PDE11A: variants seen among roughly 807,000 people sequenced by gnomAD.
The protein encoded by PDE11A is dual 3',5'-cyclic-AMP and -GMP phosphodiesterase 11A.
Under a neutral mutation model 100.5 loss-of-function variants are expected in PDE11A, and 100 were observed. That is an observed-to-expected ratio of 1.00 (90% CI 0.85 to 1.18). PDE11A has a LOEUF of 1.18. PDE11A is among the 50% of genes most tolerant of loss of function. PDE11A has a pLI of 0.00. For missense variants in PDE11A, 1,141 were observed against 1,152.6 expected (o/e 0.99, Z 0.15); for synonymous variants, 381 against 420.8 (o/e 0.91, Z 1.16).
intron 10 of PDE11A, among the ~76,000 whole-genome samples, chr2:177,755,194 T>C (rs2082075452): frequency 6.6e-6 from 1 of 152,208 alleles, no homozygotes; most frequent in Non-Finnish European, 1.5e-5. Context: ...CCTTATAATA[T>C]TTGGGTAAGT....
chr2:178,069,388 C>T (rs1047572774), intron 1 of PDE11A, among the ~76,000 whole-genome samples: 1 of 152,034 alleles, frequency 6.6e-6, no homozygotes, highest in Non-Finnish European at 1.5e-5. Context: ...AAGAAAACTA[C>T]ACCAAGTTAA....
Position 177,881,316 on chromosome 2 carries a change from A to G in PDE11A, c.1303-5393T>C, listed in dbSNP as rs114417372. Among the ~76,000 whole-genome samples, 1,083 of 151,232 alleles carry G rather than the reference A, an allele frequency of 7.2e-3. 13 individuals carry two copies. The highest frequency in any genetic ancestry group is 0.024 in the African/African-American group (1,007 of 41,146). ...GCCAATTCCTAGAATAAATATCTTT[A>G]TCTCTATCTATCTATCATCTATCTG... On this transcript the variant is annotated intron_variant, in intron 4 of 19. Transcript: ENST00000286063.
chr2:178,056,683 ACACT>A (rs1348487139), intron 1 of PDE11A, among the ~76,000 whole-genome samples: 1 of 152,248 alleles, frequency 6.6e-6, no homozygotes, highest in Non-Finnish European at 1.5e-5. Context: ...AAAGAAGGAT[ACACT>A]CACAGGCCAC....
chr2:177,971,589 C>A (rs2085770765), intron 2 of PDE11A, among the ~76,000 whole-genome samples: 10 of 152,092 alleles, frequency 6.6e-5, no homozygotes, highest in Admixed American at 6.5e-4. Context: ...AGTTGAAGAA[C>A]ACCAAATAGG....
intron 19 of PDE11A, among the ~76,000 whole-genome samples, chr2:177,643,648 T>C (rs2080178682): frequency 6.6e-6 from 1 of 152,178 alleles, no homozygotes; most frequent in African/African-American, 2.4e-5. Context: ...GAAACTTGCA[T>C]AAGTAATGAG....
chr2:177,898,064 T>G lies in PDE11A; in HGVS notation c.1296A>C (p.Glu432Asp). Residue 432 changes from glutamate (E) to aspartate (D), a missense_variant, in exon 4 of 20, where the codon GAA (glutamate) becomes GAC (aspartate). Coordinates refer to ENST00000286063, the MANE Select transcript of PDE11A (RefSeq NM_016953.4). ...AAGATAAAAGATAACTTACTGGTGA[T>G]TCGATGTCCTCTAGGAGTAAAACAG... ...RCSVLLLEDI[E>D]SPVVKFTKSF... The G allele has an allele frequency of 4.3e-6, 7 of 1,611,136 alleles. No individual in the cohort carries two copies. The highest frequency in any genetic ancestry group is 5.1e-6 in the Non-Finnish European group (6 of 1,177,290).
At chr2:177,644,834 A>G (rs2080199007) in intron 19 of PDE11A, among the ~76,000 whole-genome samples, 1 of 152,170 alleles carries the variant, frequency 6.6e-6, no homozygotes, top group Admixed American at 6.5e-5. Context: ...TGTTCTCATA[A>G]TATTGAATAA....
At chr2:177,820,383 C>A (rs1039446800) in intron 6 of PDE11A, 88 bp from the exon 7 acceptor site, 2 of 803,810 alleles carry the variant, frequency 2.5e-6, no homozygotes, top group Non-Finnish European at 2.1e-6. Flanking sequence ...AACAGATATT[C>A]AAAAATAACT....
At chr2:177,717,306 C>T (rs966589224) in intron 12 of PDE11A, among the ~76,000 whole-genome samples, 44 of 151,942 alleles carry the variant, frequency 2.9e-4, no homozygotes, top group Non-Finnish European at 8.8e-5. Context: ...GCCCCTCCCC[C>T]GCCCTCATCC....
rs556771195 is a variant in PDE11A at position 177,774,059 on chromosome 2, T to C, written c.1738-4686A>G. Among the ~76,000 whole-genome samples the C allele has an allele frequency of 1.4e-4, 21 of 152,242 alleles. 1 individual carries two copies. Among genetic ancestry groups the C allele is most frequent in the African/African-American group, 4.8e-4 (20 of 41,542 alleles). On this transcript the variant is annotated intron_variant, in intron 9 of 19. Coordinates refer to ENST00000286063, the MANE Select transcript of PDE11A (RefSeq NM_016953.4). ...TCAGTTTACCCTCAGTGTTTGCAGG[T>C]TTTACACACAGGGCACAGCGAGAAC...
intron 2 of PDE11A, among the ~76,000 whole-genome samples, chr2:177,999,672 G>A (rs1376515343): frequency 6.6e-6 from 1 of 152,182 alleles, no homozygotes; most frequent in Admixed American, 6.5e-5. Context: ...TATATGCTAT[G>A]GAGAGCAATT....
chr2:177,866,313 G>A (rs1238044211), intron 5 of PDE11A, among the ~76,000 whole-genome samples: 2 of 152,166 alleles, frequency 1.3e-5, no homozygotes, highest in African/African-American at 2.4e-5. Context: ...GGTCACTCCC[G>A]TGAAAGCATG....
At chr2:177,938,918 C>T (rs2085310143) in intron 2 of PDE11A, among the ~76,000 whole-genome samples, 1 of 152,108 alleles carries the variant, frequency 6.6e-6, no homozygotes, top group Non-Finnish European at 1.5e-5. Context: ...AGGACACAGA[C>T]AGGTACAGAA....
rs2082595007 is a variant in PDE11A at position 177,789,537 on chromosome 2, A to C, written c.1738-20164T>G. On this transcript the variant is annotated intron_variant, in intron 9 of 19. Transcript: ENST00000286063. Reference sequence around the variant, plus strand: ...CAACATAGTGTTGGAAGTTCTGGCCAGGACAATTAGGCAGAAGAAGGAAAT... The same window carrying C: ...CAACATAGTGTTGGAAGTTCTGGCCCGGACAATTAGGCAGAAGAAGGAAAT... Among the ~76,000 whole-genome samples the C allele has an allele frequency of 2.0e-5, 3 of 151,678 alleles. No individual in the cohort carries two copies. In the South Asian group the frequency reaches 6.3e-4, roughly 32 times the overall value.
At chr2:177,906,844 A>G (rs1307507541) in intron 2 of PDE11A, among the ~76,000 whole-genome samples, 2 of 152,190 alleles carry the variant, frequency 1.3e-5, no homozygotes, top group Non-Finnish European at 2.9e-5. Context: ...TCACCTACAC[A>G]TAGAGCAAGC....
intron 9 of PDE11A, among the ~76,000 whole-genome samples, chr2:177,783,617 T>C (rs974429351): frequency 6.6e-6 from 1 of 152,220 alleles, no homozygotes; most frequent in South Asian, 2.1e-4. Flanking sequence ...GCATTACTCT[T>C]CTGTAACTAA....
At chr2:177,930,339 C>T (rs150833173) in intron 2 of PDE11A, among the ~76,000 whole-genome samples, 4 of 152,156 alleles carry the variant, frequency 2.6e-5, no homozygotes, top group African/African-American at 9.6e-5. Flanking sequence ...GTATTAGCAG[C>T]TGTACAATGG....
intron 5 of PDE11A, among the ~76,000 whole-genome samples, chr2:177,842,360 A>T (rs111529891): frequency 2.2e-4 from 34 of 152,310 alleles, no homozygotes; most frequent in African/African-American, 7.5e-4. Flanking sequence ...AGAGTTCAAC[A>T]AGGAGAGATT....
chr2:177,710,539 C>A (rs1444218202), intron 13 of PDE11A, among the ~76,000 whole-genome samples: 1 of 152,180 alleles, frequency 6.6e-6, no homozygotes, highest in Non-Finnish European at 1.5e-5. Flanking sequence ...ACAACTGTGA[C>A]ATTTTCTCCT....
Sources: allele counts gnomAD v4.1 joint callset (sites outside exome capture counted in the v4.1 genomes callset), GRCh38; gene constraint gnomAD v4.1.1; transcripts MANE v1.5; gene names NCBI Gene and HGNC (gene_info 2026-07-23, HGNC 2026-07-21).